MME: variants seen among roughly 807,000 people sequenced by gnomAD.
MME encodes the protein membrane metalloendopeptidase.
Under a neutral mutation model 113.2 loss-of-function variants are expected in MME, and 98 were observed. The ratio of observed to expected loss-of-function variants is 0.87; its 90% CI spans 0.74 to 1.02. The LOEUF (loss-of-function observed/expected upper bound fraction) is 1.02, where lower values mean the gene tolerates loss of function less well. MME is among the 50% of genes least tolerant of loss of function. The probability of loss-of-function intolerance (pLI) is 0.00; values close to 1 mark genes in which losing one functional copy is unlikely to be tolerated. For synonymous variants in MME, 292 were observed against 300.6 expected (o/e 0.97, Z 0.30); for missense variants, 836 against 896.0 (o/e 0.93, Z 0.86).
intron 3 of MME, among the ~76,000 whole-genome samples, chr3:155,088,519 A>G (rs1715980199): frequency 6.6e-6 from 1 of 152,066 alleles, no homozygotes; most frequent in African/African-American, 2.4e-5. Context: ...ACCCATCTCT[A>G]CTAAAAATAC....
chr3:155,091,281 A>T (rs1335384606), intron 3 of MME, among the ~76,000 whole-genome samples: 1 of 152,214 alleles, frequency 6.6e-6, no homozygotes, highest in South Asian at 2.1e-4. Context: ...TGTCAATCAG[A>T]TCCTTTCCAA....
chr3:155,171,814 T>C (rs1409685918), intron 20 of MME, among the ~76,000 whole-genome samples: 1 of 152,218 alleles, frequency 6.6e-6, no homozygotes, highest in Non-Finnish European at 1.5e-5. Flanking sequence ...AAACAACATT[T>C]AGATAAGTTT....
At chr3:155,163,343 A>G (rs1251796790) in intron 17 of MME, among the ~76,000 whole-genome samples, 1 of 152,172 alleles carries the variant, frequency 6.6e-6, no homozygotes, top group Non-Finnish European at 1.5e-5. Context: ...TTCAGTTTTC[A>G]CCATTTTGTT....
chr3:155,167,665 C>T (rs1230471147), intron 18 of MME, among the ~76,000 whole-genome samples: 2 of 152,096 alleles, frequency 1.3e-5, no homozygotes, highest in East Asian at 3.9e-4. Flanking sequence ...ATACTTAATC[C>T]CCATTTTAGA....
chr3:155,075,153 C>G (rs1358563756), upstream of MME, among the ~76,000 whole-genome samples: 1 of 151,578 alleles, frequency 6.6e-6, no homozygotes, highest in Non-Finnish European at 1.5e-5. Context: ...TGTAATCAAG[C>G]TTAGAATTTT....
chr3:155,097,447 A>C (rs1355152111), intron 3 of MME, among the ~76,000 whole-genome samples: 3 of 152,212 alleles, frequency 2.0e-5, no homozygotes, highest in Non-Finnish European at 4.4e-5. Context: ...AAAATTAGAG[A>C]GTGATCATTG....
chr3:155,081,321 GTC>G (rs1715124583), intron 1 of MME: 1 of 152,218 alleles, frequency 6.6e-6, no homozygotes, highest in Non-Finnish European at 1.5e-5. Context: ...TGCTTTGACT[GTC>G]TGATATAGTA....
chr3:155,059,313 G>A (rs966357838), intron 1 of MME, among the ~76,000 whole-genome samples: 3 of 149,878 alleles, frequency 2.0e-5, no homozygotes, highest in East Asian at 3.9e-4. Flanking sequence ...ACTTTATAAG[G>A]TTAGCATATT....
Position 155,167,036 on chromosome 3 carries a change from A to C in MME, c.1780+15A>C. 6.2e-7 allele frequency: 1 copy of C among 1,613,418 alleles called. No homozygotes were observed. Among genetic ancestry groups the C allele is most frequent in the Non-Finnish European group, 8.5e-7 (1 of 1,179,532 alleles). On this transcript the variant is annotated intron_variant, in intron 18 of 22. Coordinates refer to ENST00000360490, the MANE Select transcript of MME (RefSeq NM_007289.4). ...CGATGACAATGGTAAAGTGCAGTTGACATTTTCCTTTGGCTGAGGTATATG... is the reference window on the plus strand; with the variant it reads ...CGATGACAATGGTAAAGTGCAGTTGCCATTTTCCTTTGGCTGAGGTATATG...
intron 1 of MME, among the ~76,000 whole-genome samples, chr3:155,056,500 C>T (rs1257826546): frequency 1.3e-5 from 2 of 148,528 alleles, no homozygotes; most frequent in Admixed American, 6.6e-5. Context: ...CTACAAAGGA[C>T]ATGAACTCAT....
Position 155,116,490 on chromosome 3 carries a change from G to T in MME, c.370G>T (p.Glu124Ter). The change falls in exon 5 of 23, where the codon GAA becomes TAA. Residue 124 changes from glutamate (E) to a stop codon, truncating the protein, a stop_gained. Coordinates refer to ENST00000360490, the MANE Select transcript of MME (RefSeq NM_007289.4). LOFTEE classifies it high-confidence loss of function. ...ATGTCCTATTTCAGATGTCCTTCAA[G>T]AACCCAAAACTGAAGATATAGTAGC... is the stretch of plus-strand genomic sequence containing the variant. ...LEVVLKDVLQ[E>*]PKTEDIVAVQ... 6.2e-7 allele frequency: 1 copy of T among 1,611,100 alleles called. No homozygotes were observed.
chr3:155,142,111 A>T lies in MME; in HGVS notation c.1078A>T (p.Thr360Ser). ...EYLTKLKPIL[T>S]KYSARDLQNL... ...TTTAACCAAACTTAAGCCCATTCTT[A>T]CCAAATATTCTGCCAGGTAGGTATG... The change falls in exon 11 of 23, where the codon ACC becomes TCC. Residue 360 changes from threonine to serine, a missense_variant. Thr to Ser is a moderately conservative substitution (Grantham distance 58). Coordinates refer to ENST00000360490, the MANE Select transcript of MME (RefSeq NM_007289.4). The T allele has an allele frequency of 6.2e-7, 1 of 1,613,856 alleles. No homozygotes were observed. The highest frequency in any genetic ancestry group is 1.1e-5 in the South Asian group (1 of 91,082).
chr3:155,074,320 A>C (rs1242021779), intron 1 of MME, among the ~76,000 whole-genome samples: 1 of 152,154 alleles, frequency 6.6e-6, no homozygotes, highest in African/African-American at 2.4e-5. Flanking sequence ...AGATACCTCA[A>C]TTGACATATA....
intron 2 of MME, 98 bp downstream of exon 2, chr3:155,084,425 AGGCACTTAAAGAC>A: frequency 8.3e-7 from 1 of 1,209,040 alleles, no homozygotes; most frequent in Non-Finnish European, 1.2e-6. Flanking sequence ...TTAAGGATAG[AGGCACTTAAAGAC>A]TGACAAAGAG....
intron 3 of MME, among the ~76,000 whole-genome samples, chr3:155,107,214 G>A (rs192968298): frequency 2.0e-3 from 311 of 152,166 alleles, no homozygotes; most frequent in African/African-American, 7.3e-3. Context: ...TTAGCCTGGC[G>A]TGGCAGTGGG....
intron 1 of MME, among the ~76,000 whole-genome samples, chr3:155,064,839 G>A (rs1221053030): frequency 6.6e-6 from 1 of 152,210 alleles, no homozygotes; most frequent in African/African-American, 2.4e-5. Context: ...TTCTAGGGGA[G>A]AATCCTTCCT....
At chr3:155,097,583 T>A (rs1257962152) in intron 3 of MME, among the ~76,000 whole-genome samples, 1 of 152,150 alleles carries the variant, frequency 6.6e-6, no homozygotes, top group East Asian at 1.9e-4. Context: ...AAAGAGGATG[T>A]ATATCCAGAG....
chr3:155,099,092 G>T (rs1008260774), intron 3 of MME, among the ~76,000 whole-genome samples: 3 of 152,078 alleles, frequency 2.0e-5, no homozygotes, highest in African/African-American at 7.2e-5. Context: ...TTCCATGTTG[G>T]GGCAAGGTGG....
Position 155,115,052 on chromosome 3 carries a change from A to G in MME, c.255A>G (p.Lys85=). Residue 85 remains lysine, a synonymous_variant, in exon 4 of 23, where the codon AAA becomes AAG. Transcript: ENST00000360490. ...ATTEPCTDFF[K]YACGGWLKRN... ...CTGAGCCTTGTACAGACTTTTTCAA[A>G]TATGCTTGCGGAGGCTGGTTGAAAC... 6.2e-7 allele frequency: 1 copy of G among 1,614,134 alleles called. No homozygotes were observed. The highest frequency in any genetic ancestry group is 1.7e-5 in the Admixed American group (1 of 60,024).
Sources: gnomAD v4.1 joint callset for allele counts (sites outside exome capture counted in the v4.1 genomes callset) on GRCh38, gnomAD v4.1.1 for gene constraint, MANE v1.5 for transcripts, NCBI Gene and HGNC (gene_info 2026-07-23, HGNC 2026-07-21) for gene names.